The following NF1 variants were observed in gnomAD, a reference collection of about 807,000 sequenced individuals.
NF1 encodes neurofibromin.
A neutral mutation model predicts 325.7 loss-of-function variants in NF1; 122 were observed. The ratio of observed to expected loss-of-function variants is 0.37; its 90% CI spans 0.32 to 0.44. The LOEUF (loss-of-function observed/expected upper bound fraction) is 0.44. Ranked by LOEUF, NF1 falls within the 20% of genes least tolerant of loss-of-function variation. The pLI is 1.00. For synonymous variants in NF1, 1,091 were observed against 1,186.0 expected (o/e 0.92, Z 1.65); for missense variants, 2,140 against 3,415.4 (o/e 0.63, Z 9.31).
chr17:31,224,961 CT>C (rs1292158055), intron 16 of NF1, 133 bp from the exon 17 acceptor site: 1 of 874,294 alleles, frequency 1.1e-6, no homozygotes, highest in Non-Finnish European at 1.9e-6. Context: ...AGTGAATCTC[CT>C]TCAAGTTGGG....
At chr17:31,111,081 CCA>C (rs932316801) in intron 1 of NF1, among the ~76,000 whole-genome samples, 2 of 151,950 alleles carry the variant, frequency 1.3e-5, no homozygotes, top group Non-Finnish European at 2.9e-5. Context: ...ACAAACCCCC[CCA>C]TTAATAATTA....
chr17:31,175,721 C>T (rs1430689175), intron 5 of NF1, among the ~76,000 whole-genome samples: 2 of 152,066 alleles, frequency 1.3e-5, no homozygotes, highest in South Asian at 4.1e-4. Context: ...GGTCCTCTCC[C>T]TGTGTACATG....
rs758305498 is a variant in NF1 at position 31,296,181 on chromosome 17, A to G, written c.4836-29639A>G. The G allele has an allele frequency of 2.8e-5, 45 of 1,613,422 alleles. No homozygotes were observed. The Middle Eastern group carries it at 6.6e-4, about 24-fold the overall frequency. The stretch of plus-strand genomic sequence containing the variant: ...TGTATAATATTCTCTTGCAGTCCAG[A>G]TGGTAATGTAGACAAGTTTCTGCCT... On this transcript the variant is annotated intron_variant, in intron 36 of 57. Transcript: ENST00000358273.
chr17:31,256,056 A>G (rs554612711), intron 31 of NF1, among the ~76,000 whole-genome samples: 2 of 152,166 alleles, frequency 1.3e-5, no homozygotes, highest in Admixed American at 1.3e-4. Flanking sequence ...AATAATTATA[A>G]AGCAGTTTTT....
chr17:31,233,601 T>G (rs1305704744), intron 27 of NF1, among the ~76,000 whole-genome samples: 5 of 152,196 alleles, frequency 3.3e-5, no homozygotes, highest in South Asian at 2.1e-4. Flanking sequence ...TCTCATACAG[T>G]TTTTTAAAAA....
intron 8 of NF1, chr17:31,183,065 A>G (rs1567826986): frequency 4.8e-6 from 2 of 420,766 alleles, no homozygotes; most frequent in Admixed American, 7.9e-5. Context: ...GAAATTATCT[A>G]GTAACTCATT....
At chr17:31,295,960 A>G (rs2068455933) in intron 36 of NF1, 1 of 1,614,020 alleles carries the variant, frequency 6.2e-7, no homozygotes, top group Admixed American at 1.7e-5. Context: ...GATATTTAAG[A>G]TTCCACTGAT....
At chr17:31,255,186 T>A (rs943710032) in intron 31 of NF1, among the ~76,000 whole-genome samples, 1 of 152,204 alleles carries the variant, frequency 6.6e-6, no homozygotes, top group African/African-American at 2.4e-5. Flanking sequence ...AGTAATGCTC[T>A]TGCTGAAGTG....
intron 5 of NF1, among the ~76,000 whole-genome samples, chr17:31,172,179 T>C (rs1173812903): frequency 5.3e-5 from 8 of 152,102 alleles, no homozygotes; most frequent in Non-Finnish European, 1.2e-4. Context: ...AAAAAAAAAT[T>C]AGCTGGGTGT....
chr17:31,273,434 A>T (rs1228600711), intron 36 of NF1: 1 of 152,230 alleles, frequency 6.6e-6, no homozygotes, highest in Admixed American at 6.5e-5. Flanking sequence ...AACTTACCTG[A>T]GGGTGCATAT....
At chr17:31,270,445 C>T (rs1414894139) in intron 36 of NF1, among the ~76,000 whole-genome samples, 5 of 152,124 alleles carry the variant, frequency 3.3e-5, no homozygotes, top group East Asian at 1.9e-4. Context: ...CCTGTCACCA[C>T]GGAAGAATAC....
intron 1 of NF1, among the ~76,000 whole-genome samples, chr17:31,110,107 A>C (rs898257007): frequency 6.6e-6 from 1 of 152,304 alleles, no homozygotes; most frequent in East Asian, 1.9e-4. Flanking sequence ...CATTTTTGAC[A>C]TAAAGCTGGG....
At chr17:31,146,691 C>T (rs2143566734) in intron 1 of NF1, among the ~76,000 whole-genome samples, 1 of 152,324 alleles carries the variant, frequency 6.6e-6, no homozygotes, top group African/African-American at 2.4e-5. Context: ...TGGGCAAATG[C>T]AGTGCAGGCC....
chr17:31,330,415 C>T lies in NF1; in HGVS notation c.5729C>T (p.Ser1910Phe), dbSNP rs751904277. 1 of 1,613,672 alleles carries T rather than the reference C, an allele frequency of 6.2e-7. No homozygotes were observed. ...GCCAACAACACCCTCTTTATTGTCT[C>T]TATTAGTAAGACACTGGCAGCCAAT... ...IPANNTLFIV[S>F]ISKTLAANEP... The change falls in exon 39 of 58, where the codon TCT (serine) becomes TTT (phenylalanine). Residue 1910 changes from serine (S) to phenylalanine (F), a missense_variant. By Grantham distance (155) the Ser-to-Phe change is radical. Transcript: ENST00000358273.
chr17:31,349,136 A>G lies in NF1; in HGVS notation c.7206A>G (p.Ser2402=). The G allele has an allele frequency of 6.2e-7, 1 of 1,600,662 alleles. No individual in the cohort carries two copies. Among genetic ancestry groups the G allele is most frequent in the East Asian group, 2.3e-5 (1 of 44,444 alleles). ...TTTTTGTAGGGTACAGGCATCCTTC[A>G]CCTGCTATTGTTGCAAGAACAGTCA... The part of the protein sequence containing the change: ...GHLLKGYRHP[S]PAIVARTVRI... Residue 2402 remains serine, a synonymous_variant, in exon 49 of 58, where the codon TCA becomes TCG. Transcript: ENST00000358273.
At chr17:31,330,596 A>T in intron 39 of NF1, 98 bp downstream of exon 39, 2 of 939,192 alleles carry the variant, frequency 2.1e-6, no homozygotes. Flanking sequence ...ACTTTCACTT[A>T]CATTTTTACT....
chr17:31,338,938 C>G (rs2069752061), intron 46 of NF1, 133 bp downstream of exon 46: 1 of 668,416 alleles, frequency 1.5e-6, no homozygotes, highest in Admixed American at 2.5e-5. Flanking sequence ...AAAGTAGAAC[C>G]TCTTAAAGTT....
intron 8 of NF1, among the ~76,000 whole-genome samples, chr17:31,199,459 A>G (rs1309399441): frequency 6.6e-6 from 1 of 152,138 alleles, no homozygotes; most frequent in Non-Finnish European, 1.5e-5. Context: ...GTTTCTTTAA[A>G]TGTATTAAGA....
At chr17:31,101,644 C>T (rs899645696) in intron 1 of NF1, among the ~76,000 whole-genome samples, 11 of 152,114 alleles carry the variant, frequency 7.2e-5, no homozygotes, top group Non-Finnish European at 1.5e-4. Flanking sequence ...CAGTCTCTGC[C>T]TGAATGCTTT....
Sources: allele counts gnomAD v4.1 joint callset (sites outside exome capture counted in the v4.1 genomes callset), GRCh38; gene constraint gnomAD v4.1.1; transcripts MANE v1.5; gene names NCBI Gene and HGNC (gene_info 2026-07-23, HGNC 2026-07-21).